SPTA1: variants seen among roughly 807,000 people sequenced by gnomAD.
The protein encoded by SPTA1 is spectrin alpha chain, erythrocytic 1.
SPTA1 carries 177 observed loss-of-function variants against 324.7 expected under a neutral mutation model. The ratio of observed to expected loss-of-function variants is 0.55; its 90% CI spans 0.48 to 0.62. SPTA1 has a LOEUF of 0.62. SPTA1 is among the 20% of genes least tolerant of loss of function. The pLI is 0.00. For missense variants in SPTA1, 3,162 were observed against 2,883.6 expected (o/e 1.10, Z -2.21); for synonymous variants, 1,195 against 1,041.3 (o/e 1.15, Z -2.84).
Position 158,642,626 on chromosome 1 carries a change from T to C in SPTA1, c.4606-84A>G, listed in dbSNP as rs183582341. ...GTAAATTGTATTTAAAAGGAAGGGC[T>C]AATATTTCTATCATAACTGAGGTGA... On this transcript the variant is annotated intron_variant, in intron 32 of 51. Transcript: ENST00000643759. 269 of 1,587,792 alleles carry C rather than the reference T, an allele frequency of 1.7e-4. No individual in the cohort carries two copies. In the African/African-American group the frequency reaches 3.0e-3, roughly 18 times the overall value.
In SPTA1 at chr1:158,649,857, T is replaced by C. The variant is rs754288498; in HGVS notation, c.3568A>G (p.Arg1190Gly). ...GSAHAVEVFH[R>G]EADDTKEQIE... ...GCTTTTTAGAGTTATAATTATTACC[T>C]GTGAAACACTTCAACAGCATGGGCA... The change falls in exon 25 of 52, where the codon AGA becomes GGA. Residue 1190 changes from arginine to glycine, a missense_variant and splice_region_variant. By Grantham distance (125) the Arg-to-Gly change is moderately radical (BLOSUM62 -2). Transcript: ENST00000643759. The C allele has an allele frequency of 1.2e-6, 2 of 1,612,624 alleles. No individual in the cohort carries two copies. Among genetic ancestry groups the C allele is most frequent in the African/African-American group, 2.7e-5 (2 of 75,028 alleles).
chr1:158,665,271 T>A (rs7556384), intron 16 of SPTA1, among the ~76,000 whole-genome samples: 11,704 of 152,248 alleles, frequency 0.077, 1,541 homozygotes, highest in African/African-American at 0.27. Context: ...CAGAGCTATA[T>A]TTGTATGATT....
intron 23 of SPTA1, among the ~76,000 whole-genome samples, chr1:158,651,858 G>A (rs1422574548): frequency 6.6e-6 from 1 of 150,714 alleles, no homozygotes; most frequent in Non-Finnish European, 1.5e-5. Context: ...ATGAGATATT[G>A]TAAGAAACAG....
chr1:158,613,662 G>A (rs574453760), intron 50 of SPTA1, 59 bp downstream of exon 50: 1 of 1,608,244 alleles, frequency 6.2e-7, no homozygotes, highest in Non-Finnish European at 8.5e-7. Context: ...TTTACTCTCT[G>A]TGCTTCTCCC....
Position 158,661,321 on chromosome 1 carries a change from C to T in SPTA1, c.2553G>A (p.Glu851=). Residue 851 remains glutamate (E), a synonymous_variant, in exon 18 of 52, where the codon GAG becomes GAA. Transcript: ENST00000643759. ...NIASHEPRIQ[E]ITERGNKMVE... ...CCATTTTGTTTCCCCTTTCTGTTAT[C>T]TCTTGAATGCGTGGTTCATGGCTGG... 1 of 1,613,938 alleles carries T rather than the reference C, an allele frequency of 6.2e-7. No homozygotes were observed. Among genetic ancestry groups the T allele is most frequent in the Non-Finnish European group, 8.5e-7 (1 of 1,179,900 alleles).
In SPTA1 at chr1:158,626,279, G is replaced by A. The variant is rs965774255; in HGVS notation, c.5834-57C>T. ...ACATTTGGTCTTGTTTGAGTCCTGG[G>A]AAGCAGAAAAGGAATATTTACAACA... On this transcript the variant is annotated intron_variant, in intron 41 of 51. Coordinates refer to ENST00000643759, the MANE Select transcript of SPTA1 (RefSeq NM_003126.4). 6.6e-6 allele frequency: 10 copies of A among 1,525,202 alleles called. No individual in the cohort carries two copies. In the African/African-American group the frequency reaches 8.2e-5, roughly 13 times the overall value. The allele number at this position is 1,525,202 out of a possible 1,614,324, so 94.5% of individuals were successfully genotyped here.
In SPTA1 at chr1:158,639,578, T is replaced by C. The variant is rs1021016120; in HGVS notation, c.4980+4A>G. Reference sequence around the variant, plus strand: ...CAGAGGAGAGGGATGCCAACACTACTTACCTCTCGAGCCAACATCTCTCTC... The same window carrying C: ...CAGAGGAGAGGGATGCCAACACTACCTACCTCTCGAGCCAACATCTCTCTC... On this transcript the variant is annotated splice_donor_region_variant and intron_variant, in intron 35 of 51. Transcript: ENST00000643759. 2.2e-5 allele frequency: 36 copies of C among 1,613,346 alleles called. No homozygotes were observed. The highest frequency in any genetic ancestry group is 2.9e-5 in the Non-Finnish European group (34 of 1,179,564).
chr1:158,634,869 G>A (rs1474631144), intron 38 of SPTA1, among the ~76,000 whole-genome samples, 194 bp from the exon 39 acceptor site: 2 of 152,066 alleles, frequency 1.3e-5, no homozygotes, highest in Non-Finnish European at 2.9e-5. Flanking sequence ...TGGAGGAGAC[G>A]CCTGCTCTAG....
At chr1:158,618,235 TCAGAGTCTCC>T in intron 45 of SPTA1, 179 bp from the exon 46 acceptor site, 1 of 645,566 alleles carries the variant, frequency 1.5e-6, no homozygotes, top group Admixed American at 2.7e-5. Flanking sequence ...TCTGAGAAGA[TCAGAGTCTCC>T]CATAAAGCTC....
Position 158,626,893 on chromosome 1 carries a change from C to A in SPTA1, c.5779G>T (p.Asp1927Tyr). Residue 1927 changes from aspartate to tyrosine, a missense_variant, in exon 41 of 52, where the codon GAT (aspartate) becomes TAT (tyrosine). Transcript: ENST00000643759. ...IAAWKLQLED[D>Y]YAFQEFNWKA... ...CAGTTGAATTCCTGAAAGGCATAATCGTCTTCCAATTGCAACTTCCAAGCA... is the reference window on the plus strand; with the variant it reads ...CAGTTGAATTCCTGAAAGGCATAATAGTCTTCCAATTGCAACTTCCAAGCA... 1 of 1,613,856 alleles carries A rather than the reference C, an allele frequency of 6.2e-7. No homozygotes were observed. The highest frequency in any genetic ancestry group is 1.1e-5 in the South Asian group (1 of 91,084).
chr1:158,617,722 G>T, intron 46 of SPTA1, 134 bp from the exon 47 acceptor site: 1 of 907,888 alleles, frequency 1.1e-6, no homozygotes, highest in Non-Finnish European at 1.8e-6. Flanking sequence ...ATTTCACAGA[G>T]CCAAATTTTC....
chr1:158,647,939 T>C (rs1234869316), intron 26 of SPTA1, among the ~76,000 whole-genome samples: 1 of 151,986 alleles, frequency 6.6e-6, no homozygotes, highest in African/African-American at 2.4e-5. Context: ...AATAAGAGAG[T>C]TGTGGGGAAG....
intron 33 of SPTA1, among the ~76,000 whole-genome samples, chr1:158,641,220 A>T (rs1255630583): frequency 1.3e-5 from 2 of 152,190 alleles, no homozygotes; most frequent in African/African-American, 4.8e-5. Context: ...AAGAAAACCT[A>T]GGCAATACCA....
intron 47 of SPTA1, 91 bp downstream of exon 47, chr1:158,617,446 A>T: frequency 1.5e-5 from 16 of 1,050,620 alleles, no homozygotes; most frequent in Non-Finnish European, 1.9e-5. Context: ...ATACATACCT[A>T]AAAGTATCAC....
chr1:158,628,962 A>G (rs1650481896), intron 39 of SPTA1, among the ~76,000 whole-genome samples: 1 of 152,006 alleles, frequency 6.6e-6, no homozygotes, highest in African/African-American at 2.4e-5. Flanking sequence ...AAATCCCAAG[A>G]CCAGATGGCT....
intron 39 of SPTA1, 109 bp from the exon 40 acceptor site, chr1:158,627,832 T>G (rs1650380258): frequency 9.1e-7 from 1 of 1,100,100 alleles, no homozygotes; most frequent in Admixed American, 1.8e-5. Context: ...TCAATGAAAT[T>G]GGCAGACTAG....
At chr1:158,651,927 G>A (rs192285536) in intron 23 of SPTA1, among the ~76,000 whole-genome samples, 60 of 151,122 alleles carry the variant, frequency 4.0e-4, no homozygotes, top group Middle Eastern at 3.4e-3. Flanking sequence ...GTGTGTGCGC[G>A]TGTGTGTGTG....
intron 44 of SPTA1, 136 bp from the exon 45 acceptor site, chr1:158,619,470 G>C: frequency 2.4e-6 from 2 of 842,096 alleles, no homozygotes; most frequent in South Asian, 1.4e-5. Flanking sequence ...GTGCCTGTGT[G>C]CTCATATTTC....
chr1:158,683,764 C>G (rs1654977047), intron 2 of SPTA1, among the ~76,000 whole-genome samples: 1 of 149,848 alleles, frequency 6.7e-6, no homozygotes, highest in African/African-American at 2.4e-5. Context: ...AGTGTCCTTC[C>G]TCATCAGAAA....
Sources: gnomAD v4.1 joint callset for allele counts (sites outside exome capture counted in the v4.1 genomes callset) on GRCh38, gnomAD v4.1.1 for gene constraint, MANE v1.5 for transcripts, NCBI Gene and HGNC (gene_info 2026-07-23, HGNC 2026-07-21) for gene names.